The following SMYD3 variants were observed in gnomAD, a reference collection of about 807,000 sequenced individuals.
The protein encoded by SMYD3 is SET and MYND domain containing 3.
Under a neutral mutation model 57.7 loss-of-function variants are expected in SMYD3, and 36 were observed. The ratio of observed to expected loss-of-function variants is 0.62; its 90% confidence interval spans 0.48 to 0.82. SMYD3 has a LOEUF of 0.82. Among genes scored for constraint, SMYD3 ranks in the 40% least tolerant of loss-of-function variants. The pLI, the probability that SMYD3 is intolerant of heterozygous loss-of-function variation, is 0.00. For missense variants in SMYD3, 515 were observed against 538.8 expected (o/e 0.96, Z 0.44); for synonymous variants, 211 against 195.0 (o/e 1.08, Z -0.68).
intron 1 of SMYD3, among the ~76,000 whole-genome samples, chr1:246,369,996 C>T (rs1189551362): frequency 6.6e-6 from 1 of 152,134 alleles, no homozygotes; most frequent in Non-Finnish European, 1.5e-5. Flanking sequence ...ACCTTAAATC[C>T]AGCACTTTGG....
At chr1:246,377,747 G>T (rs1004986027) in intron 1 of SMYD3, among the ~76,000 whole-genome samples, 5 of 152,110 alleles carry the variant, frequency 3.3e-5, no homozygotes, top group African/African-American at 1.2e-4. Flanking sequence ...GAGGCCTCCG[G>T]ACTCCACTCT....
chr1:245,856,945 C>G (rs2051273826), intron 10 of SMYD3, among the ~76,000 whole-genome samples: 1 of 152,218 alleles, frequency 6.6e-6, no homozygotes, highest in Admixed American at 6.5e-5. Flanking sequence ...GTAACGCCAA[C>G]CATCTGACCT....
In SMYD3 at chr1:246,396,366, CACTT is replaced by C. The variant is rs539795667; in HGVS notation, c.165-41276_165-41273del. Among the ~76,000 whole-genome samples the C allele has an allele frequency of 1.1e-4, 17 of 152,238 alleles. No individual in the cohort carries two copies. The East Asian group carries it at 3.1e-3, about 28-fold the overall frequency. The stretch of plus-strand genomic sequence containing the variant: ...CAAAGCTTTTTTGTTCCCAACGGCT[CACTT>C]ACTAATTATATATCAAACCACAAAG... On this transcript the variant is annotated intron_variant, in intron 1 of 11. Coordinates refer to ENST00000490107, the MANE Select transcript of SMYD3 (RefSeq NM_001167740.2).
At chr1:246,371,359 G>GT (rs1411866324) in intron 1 of SMYD3, among the ~76,000 whole-genome samples, 1 of 152,136 alleles carries the variant, frequency 6.6e-6, no homozygotes, top group Non-Finnish European at 1.5e-5. Context: ...AGAAAAGGAA[G>GT]TTTTTTCTAG....
intron 1 of SMYD3, among the ~76,000 whole-genome samples, chr1:246,413,465 C>T (rs892544798): frequency 6.6e-6 from 1 of 152,142 alleles, no homozygotes; most frequent in Non-Finnish European, 1.5e-5. Context: ...TTAACAATAG[C>T]TATGTTCATG....
At chr1:245,762,826 G>A (rs1221582237) in intron 11 of SMYD3, among the ~76,000 whole-genome samples, 1 of 152,176 alleles carries the variant, frequency 6.6e-6, no homozygotes, top group African/African-American at 2.4e-5. Context: ...GACACGCCCT[G>A]AGCAACCCTG....
At chr1:246,303,502 A>G (rs2064930000) in intron 5 of SMYD3, among the ~76,000 whole-genome samples, 1 of 152,162 alleles carries the variant, frequency 6.6e-6, no homozygotes, top group Non-Finnish European at 1.5e-5. Flanking sequence ...AATACCTAAT[A>G]TAATGTAAAC....
At chr1:245,785,209 TAATGTTACATTACGGAG>T (rs2046986203) in intron 10 of SMYD3, among the ~76,000 whole-genome samples, 1 of 151,942 alleles carries the variant, frequency 6.6e-6, no homozygotes, top group Non-Finnish European at 1.5e-5. Context: ...GGGGAAATGG[TAATGTTACATTACGGAG>T]AATGTGGAGG....
At chr1:246,315,300 G>C (rs2148640213) in intron 5 of SMYD3, among the ~76,000 whole-genome samples, 1 of 152,338 alleles carries the variant, frequency 6.6e-6, no homozygotes, top group East Asian at 1.9e-4. Context: ...GATAGTCACA[G>C]TTGTCAAATG....
At chr1:245,894,496 C>T (rs2053619751) in intron 8 of SMYD3, among the ~76,000 whole-genome samples, 3 of 152,044 alleles carry the variant, frequency 2.0e-5, no homozygotes, top group African/African-American at 7.2e-5. Flanking sequence ...TCTTTGGGTC[C>T]GTGCCATCTT....
chr1:245,817,595 C>T (rs1044207396), intron 10 of SMYD3, among the ~76,000 whole-genome samples: 18 of 152,004 alleles, frequency 1.2e-4, no homozygotes, highest in African/African-American at 4.3e-4. Context: ...GATCAAATTA[C>T]TCTGAGCTAT....
At chr1:246,069,562 T>A (rs1363444744) in intron 5 of SMYD3, among the ~76,000 whole-genome samples, 3 of 152,122 alleles carry the variant, frequency 2.0e-5, no homozygotes, top group Admixed American at 6.5e-5. Flanking sequence ...TTGTAATTAC[T>A]TAATATTAAT....
intron 11 of SMYD3, among the ~76,000 whole-genome samples, chr1:245,750,321 C>G (rs1408835609): frequency 6.6e-6 from 1 of 152,126 alleles, no homozygotes; most frequent in Non-Finnish European, 1.5e-5. Flanking sequence ...TGTTTGCTCC[C>G]AGAACCAAGA....
chr1:246,329,480 A>T (rs1293803242), intron 4 of SMYD3, among the ~76,000 whole-genome samples: 1 of 152,118 alleles, frequency 6.6e-6, no homozygotes, highest in East Asian at 1.9e-4. Context: ...TTGGCTGCAT[A>T]AATGTCTTCT....
intron 10 of SMYD3, among the ~76,000 whole-genome samples, chr1:245,833,073 A>AAAACACAAC: frequency 3.1e-5 from 4 of 128,652 alleles, no homozygotes; most frequent in African/African-American, 8.9e-5. Context: ...AAAAAAAAAA[A>AAAACACAAC]AACCTGCTTT....
At chr1:245,982,482 T>G (rs757780119) in intron 5 of SMYD3, among the ~76,000 whole-genome samples, 1 of 152,218 alleles carries the variant, frequency 6.6e-6, no homozygotes, top group African/African-American at 2.4e-5. Flanking sequence ...TGATCAAATG[T>G]GAAACAATCA....
intron 5 of SMYD3, among the ~76,000 whole-genome samples, chr1:246,316,903 G>A (rs887990588): frequency 2.6e-5 from 4 of 151,166 alleles, no homozygotes; most frequent in Non-Finnish European, 4.4e-5. Flanking sequence ...GCTGAGGCAG[G>A]AGAATCGCTT....
intron 5 of SMYD3, among the ~76,000 whole-genome samples, chr1:246,216,860 T>C (rs1460619441): frequency 6.6e-6 from 1 of 152,108 alleles, no homozygotes; most frequent in Non-Finnish European, 1.5e-5. Context: ...TCCTGAACTT[T>C]CCCCTTGACG....
At chr1:246,161,911 AAT>A (rs2062127566) in intron 5 of SMYD3, among the ~76,000 whole-genome samples, 1 of 152,202 alleles carries the variant, frequency 6.6e-6, no homozygotes, top group African/African-American at 2.4e-5. Context: ...TTTGCCAGGC[AAT>A]AGTGCATGTG....
Sources: allele counts gnomAD v4.1 joint callset (sites outside exome capture counted in the v4.1 genomes callset), GRCh38; gene constraint gnomAD v4.1.1; transcripts MANE v1.5; gene names NCBI Gene and HGNC (gene_info 2026-07-23, HGNC 2026-07-21).